Variants in DNER observed in about 807,000 individuals in gnomAD.
DNER encodes the protein delta/notch like EGF repeat containing, also known as delta and Notch-like epidermal growth factor-related receptor.
Under a neutral mutation model 78.2 loss-of-function variants are expected in DNER, and 33 were observed. The ratio of observed to expected loss-of-function variants is 0.42; its 90% CI spans 0.32 to 0.56. The LOEUF is 0.56. Ranked by LOEUF, DNER falls within the 20% of genes least tolerant of loss-of-function variation. DNER has a pLI of 0.11. For synonymous variants in DNER, 417 were observed against 384.8 expected, an observed-to-expected ratio of 1.08 and a Z score of -0.98; for missense variants, 918 against 975.3, an observed-to-expected ratio of 0.94 and a Z score of 0.78.
intron 11 of DNER, among the ~76,000 whole-genome samples, chr2:229,382,004 CAT>C (rs1479377445): frequency 9.8e-5 from 15 of 152,316 alleles, no homozygotes; most frequent in Middle Eastern, 6.8e-3. Flanking sequence ...ACAGACACCT[CAT>C]ATAGGAGAAC....
In DNER at chr2:229,661,256, A is replaced by G. The variant is rs116688996; in HGVS notation, c.276+52892T>C. On this transcript the variant is annotated intron_variant, in intron 1 of 12. Coordinates refer to ENST00000341772, the MANE Select transcript of DNER (RefSeq NM_139072.4). The stretch of plus-strand genomic sequence containing the variant: ...TGTGTGTTACTTAAATGCTATAATC[A>G]AGCACAAACTGAAAAACTGCTTCCC... 4.1e-3 allele frequency among the ~76,000 whole-genome samples: 629 copies of G among 152,264 alleles called. 5 individuals carry two copies. Among genetic ancestry groups the G allele is most frequent in the African/African-American group, 0.015 (609 of 41,552 alleles).
intron 3 of DNER, chr2:229,587,003 T>C (rs1298920817): frequency 1.0e-6 from 1 of 985,256 alleles, no homozygotes; most frequent in East Asian, 1.1e-4. Flanking sequence ...TCTCACTTCG[T>C]CTGAGTCAGA....
intron 1 of DNER, among the ~76,000 whole-genome samples, chr2:229,646,623 A>G (rs1698724332): frequency 6.6e-6 from 1 of 152,252 alleles, no homozygotes; most frequent in African/African-American, 2.4e-5. Flanking sequence ...CTCCACAGGA[A>G]TAAAAATCAA....
At chr2:229,491,299 C>A (rs1559147266) in intron 6 of DNER, among the ~76,000 whole-genome samples, 1 of 152,140 alleles carries the variant, frequency 6.6e-6, no homozygotes. Flanking sequence ...TTGGTGAGGG[C>A]CCATTCCTCA....
intron 4 of DNER, among the ~76,000 whole-genome samples, chr2:229,562,401 G>C (rs911157682): frequency 2.6e-5 from 4 of 152,084 alleles, no homozygotes; most frequent in Admixed American, 2.0e-4. Context: ...CTTAGCAAAA[G>C]TGTCTAATGT....
chr2:229,646,761 C>T (rs1391778688), intron 1 of DNER, among the ~76,000 whole-genome samples: 10 of 152,232 alleles, frequency 6.6e-5, no homozygotes, highest in Admixed American at 4.6e-4. Context: ...TCAGGGTCCA[C>T]GGTGAACCAG....
At chr2:229,623,806 C>T (rs1006162059) in intron 1 of DNER, among the ~76,000 whole-genome samples, 5 of 152,196 alleles carry the variant, frequency 3.3e-5, no homozygotes, top group Admixed American at 3.3e-4. Context: ...TGCTTCCCAT[C>T]CCAGAGCCAA....
chr2:229,696,736 G>A (rs1293930258), intron 1 of DNER, among the ~76,000 whole-genome samples: 1 of 152,186 alleles, frequency 6.6e-6, no homozygotes, highest in Non-Finnish European at 1.5e-5. Flanking sequence ...AAGAGACAAG[G>A]GATTTGAGCC....
At chr2:229,592,623 TG>T (rs1323202962) in intron 1 of DNER, among the ~76,000 whole-genome samples, 4 of 152,116 alleles carry the variant, frequency 2.6e-5, no homozygotes. Context: ...CTGGGGAAAG[TG>T]TTTATCTCAG....
chr2:229,569,738 T>C (rs1697182873), intron 4 of DNER, among the ~76,000 whole-genome samples: 1 of 152,204 alleles, frequency 6.6e-6, no homozygotes. Flanking sequence ...GTTTATTTTT[T>C]ATTTTTTTCA....
In DNER at chr2:229,554,941, A is replaced by AAAAGG. The variant is rs1425593874; in HGVS notation, c.848-7850_848-7849insCCTTT. Among the ~76,000 whole-genome samples, 13 of 25,616 alleles carry AAAAGG rather than the reference A, an allele frequency of 5.1e-4. No homozygotes were observed. In the South Asian group the frequency reaches 6.8e-3, roughly 13 times the overall value. 16.8% of individuals were successfully genotyped at this position (25,616 alleles called of 152,430 possible). On this transcript the variant is annotated intron_variant, in intron 4 of 12. Coordinates refer to ENST00000341772, the MANE Select transcript of DNER (RefSeq NM_139072.4). Reference sequence around the variant, plus strand: ...AGAAGAGAAGAGAAGAGAAGAGAGAAAAGGGAAGGGAAGGGAAGGGAAGGG... The same window carrying AAAAGG: ...AGAAGAGAAGAGAAGAGAAGAGAGAAAAAGGAAGGGAAGGGAAGGGAAGGGAAGGG...
chr2:229,453,992 G>C (rs534903746), intron 7 of DNER, among the ~76,000 whole-genome samples: 5 of 150,358 alleles, frequency 3.3e-5, no homozygotes, highest in African/African-American at 1.2e-4. Context: ...CAATGGAAGA[G>C]AGAATGTGAA....
At chr2:229,369,401 A>G (rs1339056888) in intron 11 of DNER, among the ~76,000 whole-genome samples, 2 of 151,760 alleles carry the variant, frequency 1.3e-5, no homozygotes, top group Non-Finnish European at 1.5e-5. Flanking sequence ...GTTAAAAAAA[A>G]GTTTTAACTT....
intron 7 of DNER, among the ~76,000 whole-genome samples, chr2:229,460,967 A>G (rs10192000): frequency 0.76 from 115,033 of 151,998 alleles, 44,239 homozygotes; most frequent in African/African-American, 0.89. Flanking sequence ...AGAAGTCTGC[A>G]AGTCAAAGCT....
chr2:229,579,639 A>G (rs887455136), intron 4 of DNER, among the ~76,000 whole-genome samples: 16 of 152,076 alleles, frequency 1.1e-4, no homozygotes, highest in South Asian at 4.2e-4. Context: ...ACAAAAGTGC[A>G]TTTTCAGGAG....
At chr2:229,419,687 G>A (rs972353953) in intron 8 of DNER, among the ~76,000 whole-genome samples, 2 of 151,934 alleles carry the variant, frequency 1.3e-5, no homozygotes, top group African/African-American at 4.8e-5. Context: ...AGGAGCCCTT[G>A]ACCTACCTAA....
At chr2:229,447,565 A>G in intron 7 of DNER, 25 bp from the exon 8 acceptor site, 1 of 1,603,518 alleles carries the variant, frequency 6.2e-7, no homozygotes, top group African/African-American at 1.3e-5. Context: ...ATGAGAGCTT[A>G]AAAAAACTAA....
chr2:229,557,852 A>G (rs1479513242), intron 4 of DNER, among the ~76,000 whole-genome samples: 1 of 152,196 alleles, frequency 6.6e-6, no homozygotes, highest in Non-Finnish European at 1.5e-5. Flanking sequence ...CAGAAATACC[A>G]TTTGATTCAG....
intron 4 of DNER, among the ~76,000 whole-genome samples, chr2:229,561,792 CT>C (rs1455638671): frequency 1.9e-4 from 29 of 152,172 alleles, no homozygotes; most frequent in Non-Finnish European, 1.5e-5. Context: ...TAATTGCCCA[CT>C]GATATCTATT....
Sources: allele counts gnomAD v4.1 joint callset (sites outside exome capture counted in the v4.1 genomes callset), GRCh38; gene constraint gnomAD v4.1.1; transcripts MANE v1.5; gene names NCBI Gene and HGNC (gene_info 2026-07-23, HGNC 2026-07-21).